The following UGGT2 variants were observed in gnomAD, a reference collection of about 807,000 sequenced individuals.
UGGT2 encodes the protein UDP-glucose:glycoprotein glucosyltransferase 2.
UGGT2 carries 180 observed loss-of-function variants against 192.1 expected under a neutral mutation model. The ratio of observed to expected loss-of-function variants is 0.94; its 90% CI spans 0.83 to 1.06. UGGT2 has a LOEUF of 1.06. Among genes scored for constraint, UGGT2 ranks in the 50% least tolerant of loss-of-function variants. UGGT2 has a pLI of 0.00. For missense variants in UGGT2, 1,849 were observed against 1,795.7 expected (o/e 1.03, Z -0.54); for synonymous variants, 580 against 591.0 (o/e 0.98, Z 0.27).
intron 1 of UGGT2, among the ~76,000 whole-genome samples, chr13:96,032,414 A>G (rs1025501220): frequency 1.3e-5 from 2 of 152,112 alleles, no homozygotes; most frequent in African/African-American, 4.8e-5. Flanking sequence ...TATATTATCT[A>G]TTGCCTTTAC....
In UGGT2 at chr13:95,900,817, C is replaced by G. The variant is rs777426650; in HGVS notation, c.2624G>C (p.Ser875Thr). ...GCTTTTTCTACTTACTCTCCCATTGCTGACAATACCCATTTCTCCAGGACG... is the reference window on the plus strand; with the variant it reads ...GCTTTTTCTACTTACTCTCCCATTGGTGACAATACCCATTTCTCCAGGACG... ...KLRPGEMGIV[S>T]NGRFLGPLDE... The change falls in exon 22 of 39, where the codon AGC (serine) becomes ACC (threonine). Residue 875 changes from serine to threonine, a missense_variant. Coordinates refer to ENST00000376747, the MANE Select transcript of UGGT2 (RefSeq NM_020121.4). The G allele has an allele frequency of 1.4e-5, 22 of 1,608,306 alleles. No individual in the cohort carries two copies. The highest frequency in any genetic ancestry group is 3.3e-5 in the South Asian group (3 of 90,226).
At chr13:95,843,656 T>C (rs1355232542) in intron 36 of UGGT2, among the ~76,000 whole-genome samples, 1 of 152,118 alleles carries the variant, frequency 6.6e-6, no homozygotes, top group South Asian at 2.1e-4. Context: ...TATTAGGGTT[T>C]AGAGGTTTTT....
chr13:95,910,249 C>G (rs185759857), intron 20 of UGGT2, among the ~76,000 whole-genome samples: 1 of 152,054 alleles, frequency 6.6e-6, no homozygotes, highest in African/African-American at 2.4e-5. Context: ...CAATATTAAC[C>G]TGAAATTTAA....
chr13:95,912,723 AT>A (rs2048543744), intron 20 of UGGT2, among the ~76,000 whole-genome samples: 2 of 152,310 alleles, frequency 1.3e-5, no homozygotes, highest in East Asian at 3.9e-4. Context: ...TCTTCACAGA[AT>A]TGGAAAAAAC....
chr13:95,876,243 G>A (rs764894199), intron 29 of UGGT2, among the ~76,000 whole-genome samples: 14 of 152,100 alleles, frequency 9.2e-5, no homozygotes, highest in African/African-American at 2.7e-4. Context: ...CAGGGATAAC[G>A]GTGTTGTTAT....
chr13:95,853,756 A>G, intron 35 of UGGT2, 99 bp from the exon 36 acceptor site: 1 of 677,050 alleles, frequency 1.5e-6, no homozygotes, highest in Non-Finnish European at 2.4e-6. Context: ...TTAACTACAG[A>G]TATCCTAGGA....
At chr13:95,923,549 G>A (rs2048917219) in intron 20 of UGGT2, among the ~76,000 whole-genome samples, 2 of 151,928 alleles carry the variant, frequency 1.3e-5, no homozygotes, top group African/African-American at 2.4e-5. Context: ...TGTATTTTTA[G>A]TGGAGACAAA....
At chr13:95,851,281 T>C (rs1252339030) in intron 36 of UGGT2, among the ~76,000 whole-genome samples, 1 of 152,194 alleles carries the variant, frequency 6.6e-6, no homozygotes. Context: ...TGGTCATTAA[T>C]GTGGCAATGC....
chr13:95,958,557 C>T (rs475882), intron 12 of UGGT2, among the ~76,000 whole-genome samples: 114,968 of 151,666 alleles, frequency 0.76, 44,556 homozygotes, highest in Non-Finnish European at 0.83. Flanking sequence ...ATAAAACAAT[C>T]AGCAAAAATT....
Position 95,894,602 on chromosome 13 carries a change from C to T in UGGT2, c.2815G>A (p.Ala939Thr), listed in dbSNP as rs748648913. Residue 939 changes from alanine (A) to threonine (T), a missense_variant, in exon 24 of 39, where the codon GCA (alanine) becomes ACA (threonine). Transcript: ENST00000376747. ...AGAAATGTGACATCATATCGAGATG[C>T]ACGCTTAGGCACAGAGGACATAAGG... The part of the protein sequence containing the change: ...DALMSSVPKR[A>T]SRYDVTFLRE... 2.2e-5 allele frequency: 36 copies of T among 1,610,948 alleles called. No homozygotes were observed. The highest frequency in any genetic ancestry group is 2.9e-5 in the Non-Finnish European group (34 of 1,178,222).
At position 95,937,821 on chromosome 13, in the gene UGGT2, G is replaced by A. The variant is rs12863938; in HGVS notation, c.1813-733C>T. 5.1e-4 allele frequency among the ~76,000 whole-genome samples: 77 copies of A among 152,260 alleles called. 1 individual carries two copies. Among genetic ancestry groups the A allele is most frequent in the South Asian group, 1.9e-3 (9 of 4,820 alleles). On this transcript the variant is annotated intron_variant, in intron 16 of 38. Coordinates refer to ENST00000376747, the MANE Select transcript of UGGT2 (RefSeq NM_020121.4). ...TCCAAGTGAGGAGAATATAGCAAGGGAAGTAAGAGTGTGGTATACTTATGC... is the reference window on the plus strand; with the variant it reads ...TCCAAGTGAGGAGAATATAGCAAGGAAAGTAAGAGTGTGGTATACTTATGC...
At chr13:95,818,613 A>G (rs1885168112) in intron 38 of UGGT2, among the ~76,000 whole-genome samples, 1 of 152,160 alleles carries the variant, frequency 6.6e-6, no homozygotes. Context: ...AGAAGTCTCT[A>G]GCATCTTCCA....
chr13:95,923,834 GA>G (rs1174969705), intron 20 of UGGT2, among the ~76,000 whole-genome samples: 1 of 152,018 alleles, frequency 6.6e-6, no homozygotes, highest in Non-Finnish European at 1.5e-5. Flanking sequence ...ACCCAGAAAG[GA>G]AATACACCTA....
chr13:95,853,661 C>G lies in UGGT2; in HGVS notation c.4170-4G>C. On this transcript the variant is annotated splice_polypyrimidine_tract_variant and splice_region_variant and intron_variant, in intron 35 of 38. Transcript: ENST00000376747. ...GAGATCCACTACATATAAAGCACTG[C>G]AAAAATGAATTACTTCTTGATAGCC... 1 of 1,536,326 alleles carries G rather than the reference C, an allele frequency of 6.5e-7. No homozygotes were observed. Among genetic ancestry groups the G allele is most frequent in the South Asian group, 1.3e-5 (1 of 78,648 alleles).
intron 16 of UGGT2, among the ~76,000 whole-genome samples, chr13:95,937,668 G>A (rs2140514526): frequency 6.6e-6 from 1 of 152,252 alleles, no homozygotes; most frequent in East Asian, 1.9e-4. Context: ...ATGGGGCCCA[G>A]GAGAAGCACC....
At chr13:95,828,448 A>C (rs1304505114) in intron 38 of UGGT2, among the ~76,000 whole-genome samples, 2 of 152,232 alleles carry the variant, frequency 1.3e-5, no homozygotes, top group Non-Finnish European at 2.9e-5. Flanking sequence ...AAAGGAGAGA[A>C]GAATCAAATA....
rs1199874541 is a variant in UGGT2, at chr13:96,005,578, C to G, written c.661-6271G>C. Among the ~76,000 whole-genome samples the G allele has an allele frequency of 5.3e-5, 8 of 152,270 alleles. No individual in the cohort carries two copies. In the East Asian group the frequency reaches 1.5e-3, roughly 29 times the overall value. On this transcript the variant is annotated intron_variant, in intron 5 of 38. Transcript: ENST00000376747. ...TATATAGTGTACTGGTGGAAGCCCA[C>G]TGAAGACGGGAGAAATGGAACAGAT...
At chr13:95,859,519 A>G (rs1889950117) in intron 33 of UGGT2, 72 bp downstream of exon 33, 5 of 1,212,866 alleles carry the variant, frequency 4.1e-6, no homozygotes, top group Non-Finnish European at 4.7e-6. Flanking sequence ...GAAATATCAT[A>G]TAAACTTACA....
At chr13:95,863,432 G>A (rs1890343505) in intron 31 of UGGT2, 197 bp downstream of exon 31, 1 of 499,476 alleles carries the variant, frequency 2.0e-6, no homozygotes, top group Non-Finnish European at 3.6e-6. Context: ...CCATTGGTTT[G>A]TATAGTATTT....
Sources: gnomAD v4.1 joint callset for allele counts (sites outside exome capture counted in the v4.1 genomes callset) on GRCh38, gnomAD v4.1.1 for gene constraint, MANE v1.5 for transcripts, NCBI Gene and HGNC (gene_info 2026-07-23, HGNC 2026-07-21) for gene names.